Variants in RERE observed in about 807,000 individuals in gnomAD.
RERE encodes the protein arginine-glutamic acid dipeptide repeats protein.
RERE carries 40 observed loss-of-function variants against 146.1 expected under a neutral mutation model. The ratio of observed to expected loss-of-function variants is 0.27; its 90% confidence interval spans 0.21 to 0.36. RERE has a LOEUF of 0.36. Among genes scored for constraint, RERE ranks in the 10% least tolerant of loss-of-function variants. RERE has a pLI of 1.00. For missense variants in RERE, 1,933 were observed against 2,138.7 expected, an observed-to-expected ratio of 0.90 and a Z score of 1.90; for synonymous variants, 1,003 against 866.0, an observed-to-expected ratio of 1.16 and a Z score of -2.78.
chr1:8,620,567 A>G (rs1283339617), intron 3 of RERE, among the ~76,000 whole-genome samples: 3 of 152,172 alleles, frequency 2.0e-5, no homozygotes, highest in African/African-American at 7.2e-5. Flanking sequence ...AATTCTAAAA[A>G]TGAAATTTGG....
chr1:8,764,340 G>A (rs567532061), intron 1 of RERE, among the ~76,000 whole-genome samples: 2 of 152,156 alleles, frequency 1.3e-5, no homozygotes, highest in South Asian at 2.1e-4. Context: ...GAAAATGAGA[G>A]GAAACAAGGA....
chr1:8,358,368 C>T lies in RERE; in HGVS notation c.4167G>A (p.Glu1389=), dbSNP rs1166331725. The T allele has an allele frequency of 6.2e-7, 1 of 1,610,108 alleles. No individual in the cohort carries two copies. Among genetic ancestry groups the T allele is most frequent in the Non-Finnish European group, 8.5e-7 (1 of 1,177,518 alleles). The part of the protein sequence containing the change: ...LALAGPQLRP[E]MSYPDRLAAE... Reference sequence around the variant, plus strand: ...CTGCCAGTCTGTCAGGGTAGCTCATCTCGGGCCGCAGCTGGGGGCCCGCCA... The same window carrying T: ...CTGCCAGTCTGTCAGGGTAGCTCATTTCGGGCCGCAGCTGGGGGCCCGCCA... Residue 1389 remains glutamate (E), a synonymous_variant, in exon 20 of 23, where the codon GAG becomes GAA. Transcript: ENST00000400908.
intron 6 of RERE, among the ~76,000 whole-genome samples, chr1:8,554,725 A>C (rs1349753353): frequency 2.6e-5 from 4 of 151,412 alleles, no homozygotes; most frequent in African/African-American, 9.7e-5. Flanking sequence ...GGATTAAGTC[A>C]TCGGTCCCAG....
intron 17 of RERE, 31 bp downstream of exon 17, chr1:8,361,730 CTT>C (rs765823294): frequency 6.4e-7 from 1 of 1,561,334 alleles, no homozygotes; most frequent in South Asian, 1.1e-5. Flanking sequence ...GAAGCATTAG[CTT>C]TACTCAGCAA....
At chr1:8,399,451 C>T (rs1643172541) in intron 12 of RERE, among the ~76,000 whole-genome samples, 1 of 152,142 alleles carries the variant, frequency 6.6e-6, no homozygotes, top group South Asian at 2.1e-4. Flanking sequence ...TTGGTTAGTT[C>T]CCCACGGATA....
rs781421081 is a variant in RERE, at chr1:8,656,205, C to G, written c.93G>C (p.Glu31Asp). Residue 31 changes from glutamate (E) to aspartate (D), a missense_variant, in exon 2 of 23, where the codon GAG becomes GAC. By Grantham distance (45) the Glu-to-Asp change is conservative. This residue lies in a region of RERE where 107 missense variants were observed against 119.7 expected (regional missense o/e 0.89). Transcript: ENST00000400908. Reference sequence around the variant, plus strand: ...TCCGGCGTGGCCTTGAATTCTCACTCTCTCTTGCTTTGTCTCTTTTCTCTC... The same window carrying G: ...TCCGGCGTGGCCTTGAATTCTCACTGTCTCTTGCTTTGTCTCTTTTCTCTC... ...REREKRDKAR[E>D]SENSRPRRSC... The G allele has an allele frequency of 1.1e-5, 17 of 1,613,740 alleles. No individual in the cohort carries two copies. Among genetic ancestry groups the G allele is most frequent in the Middle Eastern group, 1.6e-4 (1 of 6,082 alleles).
intron 11 of RERE, among the ~76,000 whole-genome samples, chr1:8,454,224 G>A (rs946523258): frequency 6.6e-6 from 1 of 152,244 alleles, no homozygotes; most frequent in Admixed American, 6.5e-5. Flanking sequence ...TTACAAATCA[G>A]CTTCAAGGGA....
At chr1:8,359,619 G>C (rs1641468011) in intron 19 of RERE, 145 bp downstream of exon 19, 1 of 900,030 alleles carries the variant, frequency 1.1e-6, no homozygotes, top group Non-Finnish European at 1.7e-6. Context: ...CAGAGGTGTG[G>C]AGACAGGGTG....
chr1:8,368,399 G>A (rs954771995), intron 12 of RERE, among the ~76,000 whole-genome samples: 27 of 151,788 alleles, frequency 1.8e-4, no homozygotes, highest in African/African-American at 6.1e-4. Context: ...GCGTGAACCC[G>A]GGAAGCGGAG....
At chr1:8,676,457 CA>C (rs1374936219) in intron 1 of RERE, among the ~76,000 whole-genome samples, 3 of 151,668 alleles carry the variant, frequency 2.0e-5, no homozygotes, top group Non-Finnish European at 4.4e-5. Context: ...AAGTAAGTCA[CA>C]TATTTTTTTA....
chr1:8,532,257 C>T lies in RERE; in HGVS notation c.830+8957G>A, dbSNP rs572782380. Among the ~76,000 whole-genome samples the T allele has an allele frequency of 3.3e-5, 5 of 152,106 alleles. No homozygotes were observed. The East Asian group carries it at 9.7e-4, about 29-fold the overall frequency. On this transcript the variant is annotated intron_variant, in intron 7 of 22. Coordinates refer to ENST00000400908, the MANE Select transcript of RERE (RefSeq NM_001042681.2). ...TTACATTCATGTTCATAAGATTGAA[C>T]CTATAAATTTTATTTTTTTAACCTG...
intron 10 of RERE, among the ~76,000 whole-genome samples, chr1:8,476,185 C>T (rs1260408376): frequency 6.6e-6 from 1 of 152,114 alleles, no homozygotes. Flanking sequence ...TTTATGATTT[C>T]ATCATTCCAC....
At chr1:8,750,401 A>G (rs527933736) in intron 1 of RERE, 2 of 719,026 alleles carry the variant, frequency 2.8e-6, no homozygotes, top group Non-Finnish European at 4.9e-6. Context: ...GTCTTTTAAA[A>G]ACCAGTAGCC....
intron 1 of RERE, among the ~76,000 whole-genome samples, chr1:8,785,505 G>C (rs1191718807): frequency 6.6e-6 from 1 of 152,204 alleles, no homozygotes; most frequent in Non-Finnish European, 1.5e-5. Context: ...ATGCAACCAA[G>C]TCCTAGTCCT....
At chr1:8,384,393 T>A (rs929284817) in intron 12 of RERE, among the ~76,000 whole-genome samples, 9 of 152,180 alleles carry the variant, frequency 5.9e-5, no homozygotes, top group African/African-American at 2.2e-4. Flanking sequence ...AACATGCTTC[T>A]CTGGATGCCA....
intron 4 of RERE, among the ~76,000 whole-genome samples, chr1:8,593,064 T>C (rs1646513899): frequency 6.6e-6 from 1 of 152,224 alleles, no homozygotes; most frequent in African/African-American, 2.4e-5. Context: ...GATCTCATTC[T>C]GTGCTGAATG....
At chr1:8,374,773 T>C (rs1218088894) in intron 12 of RERE, among the ~76,000 whole-genome samples, 2 of 152,246 alleles carry the variant, frequency 1.3e-5, no homozygotes, top group African/African-American at 2.4e-5. Flanking sequence ...TTCTACCATA[T>C]TCCCCCGCCT....
At chr1:8,668,928 G>C (rs894195315) in intron 1 of RERE, among the ~76,000 whole-genome samples, 2 of 66,880 alleles carry the variant, frequency 3.0e-5, no homozygotes, top group Non-Finnish European at 5.9e-5. Flanking sequence ...TAAACTCTGT[G>C]TGTGTGTGTG....
chr1:8,796,632 T>C (rs922360004), intron 1 of RERE: 4 of 151,944 alleles, frequency 2.6e-5, no homozygotes, highest in Non-Finnish European at 5.9e-5. Flanking sequence ...GTTTGATCTG[T>C]AACCATCAAT....
Sources: gnomAD v4.1 joint callset for allele counts (sites outside exome capture counted in the v4.1 genomes callset) on GRCh38, gnomAD v4.1.1 for gene constraint, gnomAD v4.1.1 regional missense constraint, MANE v1.5 for transcripts, NCBI Gene and HGNC (gene_info 2026-07-23, HGNC 2026-07-21) for gene names.